The following PJA2 variants were observed in gnomAD, a reference collection of about 807,000 sequenced individuals.
PJA2 encodes the protein praja ring finger ubiquitin ligase 2.
A neutral mutation model predicts 69.3 loss-of-function variants in PJA2; 25 were observed. That is an observed-to-expected ratio of 0.36 (90% CI 0.26 to 0.50). PJA2 has a LOEUF of 0.50. Among genes scored for constraint, PJA2 ranks in the 20% least tolerant of loss-of-function variants. PJA2 has a pLI of 0.96. For synonymous variants in PJA2, 308 were observed against 277.8 expected, an observed-to-expected ratio of 1.11 and a Z score of -1.08; for missense variants, 809 against 830.2, an observed-to-expected ratio of 0.97 and a Z score of 0.31.
chr5:109,351,603 T>C (rs1220028078), intron 7 of PJA2, among the ~76,000 whole-genome samples: 5 of 152,188 alleles, frequency 3.3e-5, no homozygotes, highest in African/African-American at 9.6e-5. Flanking sequence ...TTTTGAAAAG[T>C]AGAAAAGTTT....
chr5:109,409,159 G>A (rs1314006427), intron 1 of PJA2: 2 of 152,170 alleles, frequency 1.3e-5, no homozygotes, highest in African/African-American at 2.4e-5. Flanking sequence ...ATCTGAGGGA[G>A]GCCAAATTAA....
intron 9 of PJA2, among the ~76,000 whole-genome samples, chr5:109,342,117 C>T (rs1762078712): frequency 7.6e-6 from 1 of 131,444 alleles, no homozygotes; most frequent in South Asian, 2.4e-4. Context: ...CGGCCCCCCG[C>T]CCGGCCAGCC....
At position 109,335,440 on chromosome 5, in the gene PJA2, G is replaced by A. The variant is rs1761922555; in HGVS notation, c.*1791C>T. The stretch of plus-strand genomic sequence containing the variant: ...AAGAAGAAATATTTTCTTTGGGACA[G>A]CTGCTATCTAGAAGAAAACCAAGGT... On this transcript the variant is annotated 3_prime_UTR_variant, in exon 10 of 10. Transcript: ENST00000361189. 1 of 152,558 alleles carries A rather than the reference G, an allele frequency of 6.6e-6. No individual in the cohort carries two copies. Among genetic ancestry groups the A allele is most frequent in the African/African-American group, 2.4e-5 (1 of 41,458 alleles). 9.5% of individuals were successfully genotyped at this position (152,558 alleles called of 1,614,324 possible).
At chr5:109,381,430 AC>A (rs1747045967) in intron 3 of PJA2, 72 bp downstream of exon 3, 5 of 1,267,072 alleles carry the variant, frequency 3.9e-6, no homozygotes, top group Admixed American at 4.1e-5. Context: ...CATAATACCC[AC>A]CCAAAAATTT....
At chr5:109,408,085 C>T (rs950819697) in intron 1 of PJA2, among the ~76,000 whole-genome samples, 7 of 152,086 alleles carry the variant, frequency 4.6e-5, no homozygotes, top group African/African-American at 1.7e-4. Flanking sequence ...TATGCATAAT[C>T]TTTTAACTGA....
rs1301035522 is a variant in PJA2, at chr5:109,381,628, T to C, written c.107A>G (p.Tyr36Cys). 6.2e-7 allele frequency: 1 copy of C among 1,614,130 alleles called. No individual in the cohort carries two copies. The highest frequency in any genetic ancestry group is 8.5e-7 in the Non-Finnish European group (1 of 1,180,010). ...ACTGACATAAGCATGTCTTCTTCCA[T>C]ATCTCCTGCCTGTAATTGTCTGATA... The part of the protein sequence containing the change: ...GGYQTITGRR[Y>C]GRRHAYVSFK... The change falls in exon 3 of 10, where the codon TAT becomes TGT. Residue 36 changes from tyrosine (Y) to cysteine (C), a missense_variant. Coordinates refer to ENST00000361189, the MANE Select transcript of PJA2 (RefSeq NM_014819.5).
At chr5:109,356,423 T>A (rs912338814) in intron 6 of PJA2, among the ~76,000 whole-genome samples, 15 of 152,126 alleles carry the variant, frequency 9.9e-5, no homozygotes, top group African/African-American at 3.6e-4. Flanking sequence ...TCAAAAAGTT[T>A]CAGATTTTGA....
chr5:109,349,681 G>C (rs571514793), intron 7 of PJA2, among the ~76,000 whole-genome samples: 4 of 152,232 alleles, frequency 2.6e-5, no homozygotes, highest in African/African-American at 9.6e-5. Context: ...TTCCATCAAG[G>C]TGACCTCAGC....
At chr5:109,389,789 G>A (rs529839720) in intron 1 of PJA2, among the ~76,000 whole-genome samples, 193 of 151,850 alleles carry the variant, frequency 1.3e-3, no homozygotes, top group African/African-American at 4.4e-3. Flanking sequence ...GTTCTGATAC[G>A]TATTATTTTT....
chr5:109,345,169 C>T (rs1180505512), intron 7 of PJA2, among the ~76,000 whole-genome samples: 2 of 130,370 alleles, frequency 1.5e-5, no homozygotes, highest in Non-Finnish European at 3.2e-5. Context: ...ATGGTGAAAT[C>T]CCGTCTCTAG....
chr5:109,369,620 T>A (rs890018557), intron 4 of PJA2, among the ~76,000 whole-genome samples: 2 of 152,240 alleles, frequency 1.3e-5, no homozygotes, highest in Non-Finnish European at 2.9e-5. Context: ...AATAAAAAGT[T>A]AACTGTCTTT....
intron 4 of PJA2, among the ~76,000 whole-genome samples, chr5:109,372,924 AAAG>A (rs1762700108): frequency 4.4e-5 from 6 of 135,498 alleles, no homozygotes; most frequent in East Asian, 2.0e-4. Context: ...AAAAAAAAAA[AAAG>A]AAAGAAAGAA....
At chr5:109,396,231 G>A (rs1747405335) in intron 1 of PJA2, among the ~76,000 whole-genome samples, 2 of 151,920 alleles carry the variant, frequency 1.3e-5, no homozygotes, top group Admixed American at 1.3e-4. Flanking sequence ...TGGAGAAAAA[G>A]CATTCAATGA....
At chr5:109,372,905 CAA>C (rs528408590) in intron 4 of PJA2, among the ~76,000 whole-genome samples, 2,542 of 35,670 alleles carry the variant, frequency 0.071, 141 homozygotes, top group African/African-American at 0.18. Context: ...CACTCCGTCT[CAA>C]AAAAAAAAAA....
chr5:109,364,493 G>A (rs575513795), intron 5 of PJA2, among the ~76,000 whole-genome samples: 2 of 150,378 alleles, frequency 1.3e-5, no homozygotes, highest in East Asian at 3.9e-4. Context: ...CGTAGTGGCG[G>A]GCGCCTGTAG....
At chr5:109,355,255 G>A (rs1762395198) in intron 7 of PJA2, among the ~76,000 whole-genome samples, 1 of 152,032 alleles carries the variant, frequency 6.6e-6, no homozygotes, top group South Asian at 2.1e-4. Flanking sequence ...AGTCATTTCT[G>A]TACCTATATT....
chr5:109,345,844 G>C (rs1449636735), intron 7 of PJA2, among the ~76,000 whole-genome samples: 1 of 152,172 alleles, frequency 6.6e-6, no homozygotes, highest in Non-Finnish European at 1.5e-5. Context: ...AAATATCTGT[G>C]TCAAATTACT....
intron 6 of PJA2, among the ~76,000 whole-genome samples, chr5:109,359,160 T>C (rs558032995): frequency 7.9e-5 from 12 of 152,330 alleles, no homozygotes; most frequent in African/African-American, 2.6e-4. Context: ...AGAATAAATA[T>C]ATTTTCTCTT....
At chr5:109,342,880 G>GT (rs1201920774) in intron 9 of PJA2, among the ~76,000 whole-genome samples, 177 of 9,976 alleles carry the variant, frequency 0.018, 8 homozygotes, top group Non-Finnish European at 0.024. Context: ...GAGGGAGGTG[G>GT]GGGGGGGGTC....
Sources: gnomAD v4.1 joint callset for allele counts (sites outside exome capture counted in the v4.1 genomes callset) on GRCh38, gnomAD v4.1.1 for gene constraint, MANE v1.5 for transcripts, NCBI Gene and HGNC (gene_info 2026-07-23, HGNC 2026-07-21) for gene names.